The following LSM14A variants were observed in gnomAD, a reference collection of about 807,000 sequenced individuals.
The protein encoded by LSM14A is protein LSM14 homolog A.
Under a neutral mutation model 52.4 loss-of-function variants are expected in LSM14A, and 14 were observed. That is an observed-to-expected ratio of 0.27 (90% confidence interval 0.18 to 0.42). The LOEUF (loss-of-function observed/expected upper bound fraction) is 0.42, where lower values mean the gene tolerates loss of function less well. Ranked by LOEUF, LSM14A falls within the 10% of genes least tolerant of loss-of-function variation. LSM14A has a pLI of 1.00. For synonymous variants in LSM14A, 185 were observed against 200.3 expected, an observed-to-expected ratio of 0.92 and a Z score of 0.64; for missense variants, 417 against 581.8, an observed-to-expected ratio of 0.72 and a Z score of 2.91.
intron 1 of LSM14A, among the ~76,000 whole-genome samples, chr19:34,190,060 G>GT (rs1187308436): frequency 1.3e-5 from 2 of 152,176 alleles, no homozygotes; most frequent in Admixed American, 1.3e-4. Context: ...ATGAGCTAAT[G>GT]TATGTGTTGT....
chr19:34,215,761 G>A (rs1318049585), intron 6 of LSM14A, 100 bp downstream of exon 6: 6 of 833,598 alleles, frequency 7.2e-6, no homozygotes, highest in African/African-American at 6.9e-5. Context: ...AAAGGCGGGG[G>A]TTGTGACTGT....
chr19:34,215,339 T>G (rs745782065), intron 5 of LSM14A, 39 bp downstream of exon 5: 89 of 1,526,514 alleles, frequency 5.8e-5, no homozygotes, highest in Non-Finnish European at 4.5e-5. Flanking sequence ...AATTGACTGA[T>G]CAATGTTTTC....
intron 1 of LSM14A, among the ~76,000 whole-genome samples, chr19:34,175,822 T>G (rs1412937928): frequency 2.0e-5 from 3 of 152,024 alleles, no homozygotes; most frequent in Admixed American, 6.6e-5. Context: ...TCTAAAAGAT[T>G]AAAGCCAAAA....
chr19:34,172,921 C>T (rs1477691855), intron 1 of LSM14A, among the ~76,000 whole-genome samples, 158 bp downstream of exon 1: 2 of 152,102 alleles, frequency 1.3e-5, no homozygotes, highest in African/African-American at 2.4e-5. Context: ...GCGGGCCGGA[C>T]CGCGGCCTCC....
At chr19:34,203,507 A>G (rs649495) in intron 3 of LSM14A, among the ~76,000 whole-genome samples, 53,110 of 151,954 alleles carry the variant, frequency 0.35, 9,737 homozygotes, top group African/African-American at 0.4. Flanking sequence ...ACTAAGGATT[A>G]TTAAAGATCA....
At chr19:34,191,102 T>G (rs2070347190) in intron 1 of LSM14A, among the ~76,000 whole-genome samples, 1 of 152,204 alleles carries the variant, frequency 6.6e-6, no homozygotes, top group Non-Finnish European at 1.5e-5. Flanking sequence ...TTGTTTACCT[T>G]TTCTCAAAAT....
intron 3 of LSM14A, among the ~76,000 whole-genome samples, chr19:34,205,520 C>T (rs1312475200): frequency 8.1e-6 from 1 of 123,058 alleles, no homozygotes. Context: ...AAAAAAAATA[C>T]TAGGAAAAAT....
intron 1 of LSM14A, among the ~76,000 whole-genome samples, chr19:34,186,800 C>A (rs995313716): frequency 5.9e-5 from 9 of 152,086 alleles, no homozygotes; most frequent in African/African-American, 2.2e-4. Flanking sequence ...TCATTTGAAC[C>A]TGGTTTTAGT....
chr19:34,228,938 T>A lies in LSM14A; in HGVS notation c.*1550T>A, dbSNP rs1349667020. ...TACTTGGCAGCCATAGTTTAGACAA[T>A]ATTGTTCAGTGCTGTTTGCTTGCAT... is the stretch of plus-strand genomic sequence containing the variant. On this transcript the variant is annotated 3_prime_UTR_variant, in exon 10 of 10. Transcript: ENST00000544216. 1 of 152,574 alleles carries A rather than the reference T, an allele frequency of 6.6e-6. No individual in the cohort carries two copies. Among genetic ancestry groups the A allele is most frequent in the East Asian group, 1.9e-4 (1 of 5,206 alleles). The allele number at this position is 152,574 out of a possible 1,614,324, so 9.5% of individuals were successfully genotyped here.
Position 34,203,660 on chromosome 19 carries a change from G to A in LSM14A, c.416-5269G>A, listed in dbSNP as rs148705163. 3.3e-3 allele frequency among the ~76,000 whole-genome samples: 501 copies of A among 151,892 alleles called. 3 individuals carry two copies. Among genetic ancestry groups the A allele is most frequent in the African/African-American group, 0.012 (478 of 41,416 alleles). The stretch of plus-strand genomic sequence containing the variant: ...ACTAAAAATACAAAAAAAATGAGCC[G>A]GGCTTGGTGGCGTGCGCCTGTAATC... On this transcript the variant is annotated intron_variant, in intron 3 of 9. Coordinates refer to ENST00000544216, the MANE Select transcript of LSM14A (RefSeq NM_015578.4).
At chr19:34,215,434 T>G in intron 5 of LSM14A, 134 bp downstream of exon 5, 1 of 1,168,410 alleles carries the variant, frequency 8.6e-7, no homozygotes, top group Non-Finnish European at 1.2e-6. Context: ...TGTTTGGTCT[T>G]TCAAATTTGA....
At chr19:34,190,431 C>T (rs1481303253) in intron 1 of LSM14A, among the ~76,000 whole-genome samples, 1 of 151,720 alleles carries the variant, frequency 6.6e-6, no homozygotes, top group African/African-American at 2.4e-5. Context: ...GGAAAGTATG[C>T]TCTTAGTTTT....
chr19:34,191,665 C>T (rs1396043188), intron 1 of LSM14A, among the ~76,000 whole-genome samples: 1 of 152,080 alleles, frequency 6.6e-6, no homozygotes, highest in Non-Finnish European at 1.5e-5. Flanking sequence ...ACTCTGAATT[C>T]ACCTGGCTAA....
At chr19:34,214,155 T>G (rs1256157049) in intron 4 of LSM14A, among the ~76,000 whole-genome samples, 1 of 152,162 alleles carries the variant, frequency 6.6e-6, no homozygotes, top group Non-Finnish European at 1.5e-5. Context: ...TACTGTGTAA[T>G]TATCTGAAGG....
At chr19:34,204,186 T>C (rs535018808) in intron 3 of LSM14A, among the ~76,000 whole-genome samples, 2 of 152,224 alleles carry the variant, frequency 1.3e-5, no homozygotes, top group Admixed American at 6.5e-5. Flanking sequence ...TGCAGAATAT[T>C]GTTTTAAGTA....
chr19:34,188,721 C>G (rs1012027799), intron 1 of LSM14A, among the ~76,000 whole-genome samples: 2 of 152,094 alleles, frequency 1.3e-5, no homozygotes, highest in Non-Finnish European at 2.9e-5. Context: ...CGTTTTGTGT[C>G]TAGCTTCTTT....
intron 3 of LSM14A, among the ~76,000 whole-genome samples, chr19:34,203,008 T>G (rs994459339): frequency 2.0e-5 from 3 of 152,164 alleles, no homozygotes; most frequent in Non-Finnish European, 4.4e-5. Context: ...AGAGATTAGA[T>G]CATTACTGGC....
At position 34,192,319 on chromosome 19, in the gene LSM14A, G is replaced by GTTTTTTTTTTTTTT. The variant is rs71165632; in HGVS notation, c.122-2149_122-2136dup. 1.1e-3 allele frequency among the ~76,000 whole-genome samples: 60 copies of GTTTTTTTTTTTTTT among 53,408 alleles called. 8 individuals are homozygous for GTTTTTTTTTTTTTT. Among genetic ancestry groups the GTTTTTTTTTTTTTT allele is most frequent in the African/African-American group, 1.5e-3 (18 of 12,366 alleles). 35.0% of individuals were successfully genotyped at this position (53,408 alleles called of 152,430 possible). ...ACACTGAAATAACATTCTTTTTGTT[G>GTTTTTTTTTTTTTT]TTTTTTTTTTTTTTTTTTTTTTTGG... On this transcript the variant is annotated intron_variant, in intron 1 of 9. Coordinates refer to ENST00000544216, the MANE Select transcript of LSM14A (RefSeq NM_015578.4).
chr19:34,206,652 C>A (rs1599699660), intron 3 of LSM14A, among the ~76,000 whole-genome samples: 1 of 151,806 alleles, frequency 6.6e-6, no homozygotes, highest in South Asian at 2.1e-4. Flanking sequence ...TCCAGCCTGA[C>A]GACAGAGCAA....
Sources: gnomAD v4.1 joint callset for allele counts (sites outside exome capture counted in the v4.1 genomes callset) on GRCh38, gnomAD v4.1.1 for gene constraint, MANE v1.5 for transcripts, NCBI Gene and HGNC (gene_info 2026-07-23, HGNC 2026-07-21) for gene names.